AVL9: variants seen among roughly 807,000 people sequenced by gnomAD.
AVL9 encodes the protein late secretory pathway protein AVL9 homolog.
A neutral mutation model predicts 79.2 loss-of-function variants in AVL9; 49 were observed. The ratio of observed to expected loss-of-function variants is 0.62; its 90% confidence interval spans 0.49 to 0.79. AVL9 has a LOEUF of 0.79. Ranked by LOEUF, AVL9 falls within the 30% of genes least tolerant of loss-of-function variation. The pLI is 0.00. For missense variants in AVL9, 682 were observed against 776.8 expected (o/e 0.88, Z 1.45); for synonymous variants, 299 against 280.6 (o/e 1.07, Z -0.65).
chr7:32,581,195 G>C, intron 15 of AVL9: 1 of 266,978 alleles, frequency 3.7e-6, no homozygotes, highest in Non-Finnish European at 7.1e-6. Flanking sequence ...TTTATAAATG[G>C]CAGAGACTCA....
intron 2 of AVL9, 36 bp from the exon 3 acceptor site, chr7:32,544,658 C>T (rs1789387343): frequency 7.0e-7 from 1 of 1,423,364 alleles, no homozygotes; most frequent in African/African-American, 1.4e-5. Context: ...AAGGGTAATT[C>T]ACCTCACTAT....
intron 1 of AVL9, among the ~76,000 whole-genome samples, chr7:32,515,846 A>G (rs1218189131): frequency 6.6e-6 from 1 of 152,226 alleles, no homozygotes; most frequent in Non-Finnish European, 1.5e-5. Flanking sequence ...TGTAGGGAAC[A>G]AGGCCTCTCT....
chr7:32,566,908 T>G (rs1281258855), intron 10 of AVL9, among the ~76,000 whole-genome samples: 3 of 152,106 alleles, frequency 2.0e-5, no homozygotes, highest in Non-Finnish European at 4.4e-5. Context: ...AAATGTGACT[T>G]TTAGTGTTTG....
At chr7:32,556,779 T>A (rs1160121533) in intron 8 of AVL9, among the ~76,000 whole-genome samples, 6 of 152,178 alleles carry the variant, frequency 3.9e-5, no homozygotes, top group Admixed American at 2.6e-4. Flanking sequence ...TCCTTTTTAT[T>A]TTTTGAGACA....
intron 11 of AVL9, among the ~76,000 whole-genome samples, chr7:32,572,663 G>T (rs1350094486): frequency 6.9e-6 from 1 of 145,336 alleles, no homozygotes; most frequent in African/African-American, 2.8e-5. Context: ...TTAGCCGGGC[G>T]TGGTGGTGGG....
At chr7:32,536,972 C>G (rs544526298) in intron 1 of AVL9, 1 of 152,184 alleles carries the variant, frequency 6.6e-6, no homozygotes, top group Non-Finnish European at 1.5e-5. Context: ...TTCAACAACC[C>G]AGGAACTCAC....
At chr7:32,541,717 T>C (rs890863846) in intron 1 of AVL9, among the ~76,000 whole-genome samples, 1 of 63,550 alleles carries the variant, frequency 1.6e-5, no homozygotes, top group African/African-American at 4.1e-5. Context: ...CTTCAGTTAA[T>C]TTTTTTTTTT....
rs1043897069 is a variant in AVL9, at chr7:32,508,101, T to C, written c.93+12299T>C. 1.2e-4 allele frequency among the ~76,000 whole-genome samples: 18 copies of C among 152,362 alleles called. 1 individual carries two copies. The highest frequency in any genetic ancestry group is 4.3e-4 in the African/African-American group (18 of 41,598). On this transcript the variant is annotated intron_variant, in intron 1 of 15. Transcript: ENST00000318709. ...CTTTTCTTTATTTGTTGAAGTTCTT[T>C]TTATATTATTGAAAAAAGCCATTTA...
rs73689111 is a variant in AVL9 at position 32,582,587 on chromosome 7, T to C, written c.1832-1205T>C. ...ATTATACGTTATTATTTTTTAGTGA[T>C]GCTGCTACTGATAGTTAAATTCTAA... On this transcript the variant is annotated intron_variant, in intron 15 of 15. Transcript: ENST00000318709. Among the ~76,000 whole-genome samples the C allele has an allele frequency of 9.4e-3, 1,431 of 152,378 alleles. 25 individuals carry two copies. Among genetic ancestry groups the C allele is most frequent in the African/African-American group, 0.033 (1,368 of 41,590 alleles).
chr7:32,532,534 C>T (rs1475028297), intron 1 of AVL9: 1 of 147,846 alleles, frequency 6.8e-6, no homozygotes. Flanking sequence ...TTCTGTTTCA[C>T]TGTGGTGGGA....
intron 6 of AVL9, 86 bp downstream of exon 6, chr7:32,552,381 A>G (rs992220060): frequency 2.6e-6 from 2 of 757,678 alleles, no homozygotes; most frequent in African/African-American, 3.5e-5. Context: ...TTTGATTAGA[A>G]TTACATCTCT....
At chr7:32,505,023 G>A (rs1400867528) in intron 1 of AVL9, among the ~76,000 whole-genome samples, 1 of 151,730 alleles carries the variant, frequency 6.6e-6, no homozygotes, top group African/African-American at 2.4e-5. Flanking sequence ...ACAAGAGTAT[G>A]CCACCATGCC....
intron 1 of AVL9, among the ~76,000 whole-genome samples, chr7:32,505,497 T>C (rs1391846504): frequency 1.4e-5 from 2 of 146,144 alleles, no homozygotes; most frequent in East Asian, 4.2e-4. Context: ...TACTCCAGCC[T>C]AGGCAACAAG....
chr7:32,551,150 G>C (rs368575001), intron 4 of AVL9, among the ~76,000 whole-genome samples, 184 bp from the exon 5 acceptor site: 6 of 152,254 alleles, frequency 3.9e-5, no homozygotes, highest in African/African-American at 1.4e-4. Context: ...CTTTTCACTT[G>C]TAGCCAAAGA....
At chr7:32,570,285 G>A in intron 11 of AVL9, 131 bp downstream of exon 11, 1 of 1,245,158 alleles carries the variant, frequency 8.0e-7, no homozygotes, top group Non-Finnish European at 1.1e-6. Context: ...TGTATTCTAA[G>A]TATTTTATGT....
chr7:32,506,746 T>TA (rs35935504), intron 1 of AVL9, among the ~76,000 whole-genome samples: 28,553 of 144,636 alleles, frequency 0.2, 2,921 homozygotes, highest in South Asian at 0.31. Flanking sequence ...TGTCTCTATT[T>TA]AAAAAAAAAA....
At chr7:32,582,479 A>C (rs558005528) in intron 15 of AVL9, among the ~76,000 whole-genome samples, 5 of 152,394 alleles carry the variant, frequency 3.3e-5, no homozygotes, top group Admixed American at 2.0e-4. Flanking sequence ...ATTTATTTCC[A>C]AACAATATGC....
At chr7:32,553,564 G>A (rs1337934911) in intron 6 of AVL9, among the ~76,000 whole-genome samples, 163 bp from the exon 7 acceptor site, 1 of 151,734 alleles carries the variant, frequency 6.6e-6, no homozygotes, top group Non-Finnish European at 1.5e-5. Flanking sequence ...CACTGTTTCT[G>A]AGTATATGTG....
rs1791846940 is a variant in AVL9 at position 32,587,412 on chromosome 7, G to A, written c.*3505G>A. 6.6e-6 allele frequency: 1 copy of A among 152,182 alleles called. No individual in the cohort carries two copies. The highest frequency in any genetic ancestry group is 2.4e-5 in the African/African-American group (1 of 41,446). 9.4% of individuals were successfully genotyped at this position (152,182 alleles called of 1,614,324 possible). On this transcript the variant is annotated 3_prime_UTR_variant, in exon 16 of 16. Transcript: ENST00000318709. The stretch of plus-strand genomic sequence containing the variant: ...TTTACATTTTGTGAAAAAAAGTTTT[G>A]TAGAAGTTACAGCTAGTGGTCTTTT...
Sources: allele counts gnomAD v4.1 joint callset (sites outside exome capture counted in the v4.1 genomes callset), GRCh38; gene constraint gnomAD v4.1.1; transcripts MANE v1.5; gene names NCBI Gene and HGNC (gene_info 2026-07-23, HGNC 2026-07-21).